ETV1: variants seen among roughly 807,000 people sequenced by gnomAD.
ETV1 encodes ETS variant transcription factor 1, also known as ETS translocation variant 1.
A neutral mutation model predicts 62.3 loss-of-function variants in ETV1; 27 were observed. The ratio of observed to expected loss-of-function variants is 0.43; its 90% CI spans 0.32 to 0.60. ETV1 has a LOEUF of 0.60. ETV1 is among the 20% of genes least tolerant of loss of function. The pLI is 0.06. For synonymous variants in ETV1, 222 were observed against 199.6 expected (o/e 1.11, Z -0.94); for missense variants, 605 against 605.8 (o/e 1.00, Z 0.01).
chr7:13,896,307 T>C (rs1349748455), intron 13 of ETV1, among the ~76,000 whole-genome samples: 1 of 152,192 alleles, frequency 6.6e-6, no homozygotes, highest in Non-Finnish European at 1.5e-5. Context: ...ATGTTGACCT[T>C]GAATAATAAT....
At chr7:13,975,159 T>C (rs1021888857) in intron 6 of ETV1, 1 of 152,232 alleles carries the variant, frequency 6.6e-6, no homozygotes, top group Non-Finnish European at 1.5e-5. Flanking sequence ...ACATTTCGTG[T>C]GCTCAATGGC....
chr7:13,897,383 C>G (rs1203261045), intron 13 of ETV1, among the ~76,000 whole-genome samples: 1 of 152,176 alleles, frequency 6.6e-6, no homozygotes, highest in African/African-American at 2.4e-5. Context: ...TCAATGAATG[C>G]TGCTGCTCTG....
At chr7:13,949,221 G>C (rs1415014699) in intron 6 of ETV1, among the ~76,000 whole-genome samples, 1 of 152,114 alleles carries the variant, frequency 6.6e-6, no homozygotes, top group East Asian at 1.9e-4. Flanking sequence ...ACATAAATTA[G>C]ATATATTTAA....
Position 13,909,635 on chromosome 7 carries a change from C to A in ETV1, c.937G>T (p.Asp313Tyr), listed in dbSNP as rs1349555738. 1 of 1,612,286 alleles carries A rather than the reference C, an allele frequency of 6.2e-7. No homozygotes were observed. The highest frequency in any genetic ancestry group is 8.5e-7 in the Non-Finnish European group (1 of 1,178,502). ...DDTCVVPEKF[D>Y]GDIKQEPGMY... ...TGAGGCAAAGTGTAAAACCTACCAT[C>A]GAATTTTTCTGGGACAACACAGGTG... The change falls in exon 11 of 14, where the codon GAT becomes TAT. Residue 313 changes from aspartate to tyrosine, a missense_variant. This residue lies in a region of ETV1 where 100 missense variants were observed against 156.4 expected (regional missense o/e 0.64). Coordinates refer to ENST00000430479, the MANE Select transcript of ETV1 (RefSeq NM_004956.5).
intron 6 of ETV1, among the ~76,000 whole-genome samples, chr7:13,955,690 G>A (rs1252057125): frequency 6.6e-6 from 1 of 152,120 alleles, no homozygotes; most frequent in Non-Finnish European, 1.5e-5. Flanking sequence ...AGTATTGTAG[G>A]AACTAAATGT....
intron 6 of ETV1, among the ~76,000 whole-genome samples, chr7:13,974,388 T>C (rs1346500832): frequency 3.3e-5 from 5 of 151,560 alleles, no homozygotes; most frequent in Non-Finnish European, 5.9e-5. Context: ...AAGGCTTCGG[T>C]TGTAGAAGAA....
chr7:13,921,846 C>T (rs78525543), intron 9 of ETV1, among the ~76,000 whole-genome samples: 22,150 of 151,810 alleles, frequency 0.15, 2,220 homozygotes, highest in African/African-American at 0.29. Context: ...GAACGTATAC[C>T]GAATTATTAA....
intron 6 of ETV1, among the ~76,000 whole-genome samples, chr7:13,972,693 T>C (rs1167352417): frequency 6.6e-6 from 1 of 152,228 alleles, no homozygotes; most frequent in Non-Finnish European, 1.5e-5. Context: ...AATAAACAAT[T>C]TGTTAAAAGC....
At chr7:13,918,068 C>G (rs1036272452) in intron 9 of ETV1, among the ~76,000 whole-genome samples, 4 of 152,084 alleles carry the variant, frequency 2.6e-5, no homozygotes, top group Admixed American at 1.3e-4. Context: ...TGTGGAATTT[C>G]AATTTTAAAT....
chr7:13,956,831 T>C (rs1789519709), intron 6 of ETV1, among the ~76,000 whole-genome samples: 1 of 152,196 alleles, frequency 6.6e-6, no homozygotes, highest in Non-Finnish European at 1.5e-5. Context: ...GCGTTTGATT[T>C]TATTGTCACA....
Position 13,989,071 on chromosome 7 carries a change from T to G in ETV1, c.-19A>C, listed in dbSNP as rs1179489423. On this transcript the variant is annotated 5_prime_UTR_variant, in exon 3 of 14. Coordinates refer to ENST00000430479, the MANE Select transcript of ETV1 (RefSeq NM_004956.5). The stretch of plus-strand genomic sequence containing the variant: ...CATCCATGCTGCTGCTCTTCGCAAA[T>G]CTCAGCTCAGTATTTTATATTTTGA... 4 of 1,562,008 alleles carry G rather than the reference T, an allele frequency of 2.6e-6. No homozygotes were observed. In the African/African-American group the frequency reaches 6.6e-5, roughly 26 times the overall value.
intron 6 of ETV1, among the ~76,000 whole-genome samples, chr7:13,959,882 CAAAAAA>C (rs35605197): frequency 3.5e-5 from 2 of 56,708 alleles, no homozygotes; most frequent in Non-Finnish European, 4.3e-5. Context: ...GATTCTGTCT[CAAAAAA>C]AAAAAAAAAA....
intron 6 of ETV1, among the ~76,000 whole-genome samples, chr7:13,951,504 T>C (rs1788814039): frequency 6.6e-6 from 1 of 152,182 alleles, no homozygotes; most frequent in Non-Finnish European, 1.5e-5. Flanking sequence ...AAAGTGTGTA[T>C]TGAGTCCTTA....
chr7:13,927,202 A>G (rs1224680084), intron 9 of ETV1, among the ~76,000 whole-genome samples: 3 of 152,192 alleles, frequency 2.0e-5, no homozygotes, highest in Non-Finnish European at 4.4e-5. Flanking sequence ...TAATCCCAGC[A>G]CTTTGGGAGG....
chr7:13,968,442 A>G (rs1780527471), intron 6 of ETV1, among the ~76,000 whole-genome samples: 1 of 151,646 alleles, frequency 6.6e-6, no homozygotes, highest in Non-Finnish European at 1.5e-5. Flanking sequence ...AAAAATAGTG[A>G]AAAGTATCTA....
Position 13,892,831 on chromosome 7 carries a change from A to G in ETV1, c.*3035T>C, listed in dbSNP as rs1387128719. ...GACTCTAGAAGTGAAAGCTGGAAGAATCTCCCCTGGAGCCTCCAGAAGGAA... is the reference window on the plus strand; with the variant it reads ...GACTCTAGAAGTGAAAGCTGGAAGAGTCTCCCCTGGAGCCTCCAGAAGGAA... On this transcript the variant is annotated 3_prime_UTR_variant, in exon 14 of 14. Transcript: ENST00000430479. The G allele has an allele frequency of 4.3e-6, 1 of 232,372 alleles. No homozygotes were observed. The highest frequency in any genetic ancestry group is 8.5e-6 in the Non-Finnish European group (1 of 117,582). 14.4% of individuals were successfully genotyped at this position (232,372 alleles called of 1,614,324 possible). A position where few individuals can be genotyped will look rare whatever the true frequency, so the allele number is the denominator to read the frequency against.
At chr7:13,961,748 A>G (rs1489769954) in intron 6 of ETV1, among the ~76,000 whole-genome samples, 2 of 152,166 alleles carry the variant, frequency 1.3e-5, no homozygotes, top group African/African-American at 2.4e-5. Flanking sequence ...ATCCTATAGT[A>G]GGGTCTGTAT....
intron 6 of ETV1, among the ~76,000 whole-genome samples, chr7:13,949,704 T>C (rs186192386): frequency 6.6e-6 from 1 of 152,280 alleles, no homozygotes; most frequent in East Asian, 1.9e-4. Context: ...GTGAATTATG[T>C]CTGTGACAAA....
rs1781384591 is a variant in ETV1, at chr7:13,891,572, TG to T, written c.*4293del. 4.3e-6 allele frequency: 1 copy of T among 230,850 alleles called. No individual in the cohort carries two copies. Among genetic ancestry groups the T allele is most frequent in the Admixed American group, 5.7e-5 (1 of 17,664 alleles). The allele number at this position is 230,850 out of a possible 1,614,324, so 14.3% of individuals were successfully genotyped here. ...CTCTTAAACTGTACTTTCCATAAAC[TG>T]TTTTTTTTTTAAGTATGTCAAAGTG... On this transcript the variant is annotated 3_prime_UTR_variant, in exon 14 of 14. Transcript: ENST00000430479.
Sources: gnomAD v4.1 joint callset for allele counts (sites outside exome capture counted in the v4.1 genomes callset) on GRCh38, gnomAD v4.1.1 for gene constraint, gnomAD v4.1.1 regional missense constraint, MANE v1.5 for transcripts, NCBI Gene and HGNC (gene_info 2026-07-23, HGNC 2026-07-21) for gene names.